AFF2: variants seen among roughly 807,000 people sequenced by gnomAD.
The protein encoded by AFF2 is ALF transcription elongation factor 2.
A neutral mutation model predicts 76.9 loss-of-function variants in AFF2; 14 were observed. The ratio of observed to expected loss-of-function variants is 0.18; its 90% CI spans 0.12 to 0.28. The LOEUF (loss-of-function observed/expected upper bound fraction) is 0.28, where lower values mean the gene tolerates loss of function less well. Ranked by LOEUF, AFF2 falls within the 10% of genes least tolerant of loss-of-function variation. The pLI is 1.00. For missense variants in AFF2, 868 were observed against 1,001.1 expected, an observed-to-expected ratio of 0.87 and a Z score of 1.79; for synonymous variants, 398 against 366.7, an observed-to-expected ratio of 1.09 and a Z score of -0.98.
chrX:148,878,685 T>G (rs2124120901), intron 7 of AFF2, among the ~76,000 whole-genome samples: 1 of 112,047 alleles, frequency 8.9e-6, no homozygotes, highest in South Asian at 3.7e-4. Flanking sequence ...TAAAAGATTC[T>G]GTGTTCTCCT....
intron 1 of AFF2, among the ~76,000 whole-genome samples, chrX:148,640,833 T>C (rs2054081074): frequency 8.9e-6 from 1 of 112,067 alleles, no homozygotes; most frequent in Non-Finnish European, 1.9e-5. Context: ...GAAATTCTTA[T>C]TGTTTTCCTT....
intron 8 of AFF2, among the ~76,000 whole-genome samples, chrX:148,888,882 TA>T (rs1368864418): frequency 1.1e-4 from 12 of 111,625 alleles, no homozygotes; most frequent in Non-Finnish European, 2.1e-4. Flanking sequence ...AATTGGTCCA[TA>T]AAACTGTGCT....
At chrX:148,677,969 G>C (rs367694699) in intron 3 of AFF2, among the ~76,000 whole-genome samples, 9 of 111,915 alleles carry the variant, frequency 8.0e-5, no homozygotes, top group African/African-American at 2.6e-4. Flanking sequence ...GAAGCAGGAG[G>C]AAAGAGTGGA....
At position 148,753,700 on chromosome X, in the gene AFF2, G is replaced by A. The variant is rs782542715; in HGVS notation, c.1042-56176G>A. Among the ~76,000 whole-genome samples, 27 of 111,821 alleles carry A rather than the reference G, an allele frequency of 2.4e-4. No individual in the cohort carries two copies. In the South Asian group the frequency reaches 0.01, roughly 42 times the overall value. ...ACTTTACCGAGTGGCAGAAGGCACAGCTTGTCACTGTTAATTGTGACTGGG... is the reference window on the plus strand; with the variant it reads ...ACTTTACCGAGTGGCAGAAGGCACAACTTGTCACTGTTAATTGTGACTGGG... On this transcript the variant is annotated intron_variant, in intron 3 of 20. Coordinates refer to ENST00000370460, the MANE Select transcript of AFF2 (RefSeq NM_002025.4).
chrX:148,854,532 A>T (rs1395219660), intron 7 of AFF2, among the ~76,000 whole-genome samples: 1 of 111,556 alleles, frequency 9.0e-6, no homozygotes, highest in Non-Finnish European at 1.9e-5. Flanking sequence ...CCAGGGTCCA[A>T]ATGGCAACCT....
At chrX:148,770,791 A>G (rs915489940) in intron 3 of AFF2, among the ~76,000 whole-genome samples, 2 of 112,037 alleles carry the variant, frequency 1.8e-5, no homozygotes, top group Non-Finnish European at 3.8e-5. Context: ...GCAGCTTAAT[A>G]TGGTGTAAAT....
chrX:148,795,858 T>A (rs868993252), intron 3 of AFF2, among the ~76,000 whole-genome samples: 2 of 45,901 alleles, frequency 4.4e-5, no homozygotes, highest in African/African-American at 8.0e-5. Flanking sequence ...TATATATATA[T>A]ATATATATAT....
rs1224571363 is a variant in AFF2, at chrX:148,996,849, AAGTG to A, written c.*5522_*5525del. The A allele has an allele frequency of 1.8e-5, 2 of 112,173 alleles. No individual in the cohort carries two copies. Among genetic ancestry groups the A allele is most frequent in the African/African-American group, 6.5e-5 (2 of 30,753 alleles). The allele number at this position is 112,173 out of a possible 1,213,427, so 9.2% of individuals were successfully genotyped here. A position where few individuals can be genotyped will look rare whatever the true frequency, so the allele number is the denominator to read the frequency against. On this transcript the variant is annotated 3_prime_UTR_variant, in exon 21 of 21. Coordinates refer to ENST00000370460, the MANE Select transcript of AFF2 (RefSeq NM_002025.4). Reference sequence around the variant, plus strand: ...CTCACGATTGATTTTTTAAAAAGATAAGTGAGTGTTTTTTATTTTATTATTATTG... The same window carrying A: ...CTCACGATTGATTTTTTAAAAAGATAAGTGTTTTTTATTTTATTATTATTG...
intron 3 of AFF2, among the ~76,000 whole-genome samples, chrX:148,757,518 T>G (rs1557266979): frequency 9.0e-6 from 1 of 111,426 alleles, no homozygotes; most frequent in Non-Finnish European, 1.9e-5. Context: ...GCTACTAGCA[T>G]GGTAGTTGGC....
chrX:148,558,823 T>A (rs1276372906), intron 1 of AFF2, among the ~76,000 whole-genome samples: 1 of 111,683 alleles, frequency 9.0e-6, no homozygotes, highest in African/African-American at 3.3e-5. Context: ...TGGATGCCAT[T>A]CAATTTTCTG....
intron 15 of AFF2, among the ~76,000 whole-genome samples, chrX:148,973,074 C>G (rs2072278295): frequency 1.0e-5 from 1 of 99,532 alleles, no homozygotes; most frequent in Admixed American, 1.1e-4. Context: ...TGTCAAAGAT[C>G]AGATAGTTGT....
chrX:148,691,402 G>A (rs1461228637), intron 3 of AFF2, among the ~76,000 whole-genome samples: 1 of 111,957 alleles, frequency 8.9e-6, no homozygotes, highest in Non-Finnish European at 1.9e-5. Context: ...ATCTTATATT[G>A]TGGTAGTTGC....
chrX:148,752,453 A>G (rs2055513222), intron 3 of AFF2, among the ~76,000 whole-genome samples: 1 of 111,427 alleles, frequency 9.0e-6, no homozygotes, highest in Non-Finnish European at 1.9e-5. Flanking sequence ...GAATCAAACA[A>G]CTTGTTAATA....
intron 1 of AFF2, among the ~76,000 whole-genome samples, chrX:148,648,710 G>T (rs73249431): frequency 1.4e-3 from 158 of 110,864 alleles, no homozygotes; most frequent in Non-Finnish European, 2.5e-3. Flanking sequence ...AGCTAGCGTG[G>T]ATATCAATGA....
chrX:148,971,747 C>CTTTTTTTTTTTTTTTTTTTTTA (rs2072257860), intron 15 of AFF2, among the ~76,000 whole-genome samples: 4 of 44,728 alleles, frequency 8.9e-5, no homozygotes, highest in African/African-American at 2.8e-4. Flanking sequence ...TTTTCTATTT[C>CTTTTTTTTTTTTTTTTTTTTTA]TTTTTTTTTT....
chrX:148,827,236 C>T (rs1245364087), intron 4 of AFF2, among the ~76,000 whole-genome samples: 2 of 111,491 alleles, frequency 1.8e-5, no homozygotes, highest in Non-Finnish European at 3.8e-5. Context: ...TAACTGGAGG[C>T]TTCTTTCCAC....
chrX:148,969,231 A>T (rs1557289214), intron 15 of AFF2, among the ~76,000 whole-genome samples: 1 of 113,209 alleles, frequency 8.8e-6, no homozygotes. Context: ...TAGAATATGC[A>T]TTCCCAATTG....
chrX:148,923,798 T>G, intron 9 of AFF2, among the ~76,000 whole-genome samples: 1 of 112,046 alleles, frequency 8.9e-6, no homozygotes, highest in Non-Finnish European at 1.9e-5. Context: ...ATATTCCCTC[T>G]TGCAGGATCA....
At chrX:148,932,420 C>A (rs1557284501) in intron 9 of AFF2, among the ~76,000 whole-genome samples, 1 of 111,835 alleles carries the variant, frequency 8.9e-6, no homozygotes, top group Non-Finnish European at 1.9e-5. Flanking sequence ...ATAGGAAGAG[C>A]TTTGGAGTGA....
Sources: gnomAD v4.1 joint callset for allele counts (sites outside exome capture counted in the v4.1 genomes callset) on GRCh38, gnomAD v4.1.1 for gene constraint, MANE v1.5 for transcripts, NCBI Gene and HGNC (gene_info 2026-07-23, HGNC 2026-07-21) for gene names.